The following TGFBR3 variants were observed in gnomAD, a reference collection of about 807,000 sequenced individuals.
TGFBR3 encodes the protein transforming growth factor beta receptor type 3.
A neutral mutation model predicts 87.9 loss-of-function variants in TGFBR3; 46 were observed. The ratio of observed to expected loss-of-function variants is 0.52; its 90% confidence interval spans 0.41 to 0.67. The LOEUF is 0.67. TGFBR3 is among the 30% of genes least tolerant of loss of function. TGFBR3 has a pLI of 0.00. For missense variants in TGFBR3, 866 were observed against 1,041.9 expected, an observed-to-expected ratio of 0.83 and a Z score of 2.32; for synonymous variants, 381 against 391.6, an observed-to-expected ratio of 0.97 and a Z score of 0.32.
chr1:91,867,825 C>T (rs1678442949), intron 1 of TGFBR3, among the ~76,000 whole-genome samples: 1 of 152,222 alleles, frequency 6.6e-6, no homozygotes, highest in African/African-American at 2.4e-5. Flanking sequence ...ACCACGCCCT[C>T]ATCTGTAAAA....
intron 1 of TGFBR3, among the ~76,000 whole-genome samples, chr1:91,884,837 G>C (rs1166901256): frequency 1.3e-5 from 2 of 152,262 alleles, no homozygotes; most frequent in Admixed American, 1.3e-4. Context: ...CGGTCTTGAC[G>C]TGTGTTTTTA....
chr1:91,825,962 G>A (rs1273140074), intron 2 of TGFBR3, among the ~76,000 whole-genome samples: 1 of 123,226 alleles, frequency 8.1e-6, no homozygotes, highest in Non-Finnish European at 1.7e-5. Context: ...GCCTGGGTGA[G>A]AGTGAGACCC....
At chr1:91,827,233 G>A (rs573701582) in intron 2 of TGFBR3, among the ~76,000 whole-genome samples, 3 of 152,122 alleles carry the variant, frequency 2.0e-5, no homozygotes, top group Admixed American at 1.3e-4. Flanking sequence ...CTGTAGCAAC[G>A]ATCACAACAA....
chr1:91,847,164 C>G (rs534351793), intron 2 of TGFBR3, among the ~76,000 whole-genome samples: 1 of 152,286 alleles, frequency 6.6e-6, no homozygotes, highest in Admixed American at 6.5e-5. Context: ...TTTTCAGGCA[C>G]AGAGCTTAAA....
At chr1:91,863,815 T>C (rs1458543350) in intron 1 of TGFBR3, 2 of 152,200 alleles carry the variant, frequency 1.3e-5, no homozygotes, top group Non-Finnish European at 2.9e-5. Context: ...TTGGGAGCCA[T>C]TAAACTGACT....
rs149171541 is a variant in TGFBR3 at position 91,682,731 on chromosome 1, C to T, written c.*1008G>A. The T allele has an allele frequency of 3.1e-3, 1,414 of 453,762 alleles. 5 individuals are homozygous for T. The highest frequency in any genetic ancestry group is 4.6e-3 in the Non-Finnish European group (1,046 of 226,728). The allele number at this position is 453,762 out of a possible 1,614,324, so 28.1% of individuals were successfully genotyped here. ...AGTTGACATATTTTGAGTGGAAACA[C>T]TCACCCTACCAAATATACTTAAGTT... is the stretch of plus-strand genomic sequence containing the variant. On this transcript the variant is annotated 3_prime_UTR_variant, in exon 17 of 17. Transcript: ENST00000212355.
Position 91,701,051 on chromosome 1 carries a change from ACTCT to A in TGFBR3, c.2288-2925_2288-2922del, listed in dbSNP as rs371665235. ...ATCCCCAAGCGGTTGAAAAATTATG[ACTCT>A]CTCCTAAGGAGACCTCCCATGTAAG... is the stretch of plus-strand genomic sequence containing the variant. On this transcript the variant is annotated intron_variant, in intron 14 of 16. Transcript: ENST00000212355. Among the ~76,000 whole-genome samples the A allele has an allele frequency of 3.5e-4, 53 of 152,136 alleles. No individual in the cohort carries two copies. In the South Asian group the frequency reaches 0.011, roughly 32 times the overall value.
intron 16 of TGFBR3, among the ~76,000 whole-genome samples, chr1:91,684,450 C>G (rs545075926): frequency 9.2e-5 from 14 of 152,212 alleles, no homozygotes; most frequent in African/African-American, 3.4e-4. Context: ...TTGGAAAAAC[C>G]TTTTGGGGAA....
chr1:91,838,167 T>C (rs1385021354), intron 2 of TGFBR3, among the ~76,000 whole-genome samples: 1 of 152,218 alleles, frequency 6.6e-6, no homozygotes, highest in Non-Finnish European at 1.5e-5. Flanking sequence ...CCTACTAAGA[T>C]ATCTCTTCTG....
At chr1:91,862,835 C>G (rs1323631647) in intron 1 of TGFBR3, among the ~76,000 whole-genome samples, 2 of 152,180 alleles carry the variant, frequency 1.3e-5, no homozygotes, top group Admixed American at 1.3e-4. Context: ...TTTCCGGGAG[C>G]CATCTCACAC....
chr1:91,885,553 C>G (rs577232771), intron 1 of TGFBR3, among the ~76,000 whole-genome samples: 1 of 152,336 alleles, frequency 6.6e-6, no homozygotes, highest in South Asian at 2.1e-4. Context: ...GGCCGCCGCG[C>G]CCCGCAGGGG....
chr1:91,860,897 A>T (rs1358626513), intron 2 of TGFBR3, among the ~76,000 whole-genome samples: 1 of 127,392 alleles, frequency 7.8e-6, no homozygotes, highest in South Asian at 2.6e-4. Flanking sequence ...AGGCCATTGC[A>T]CTCCAGCCTG....
At chr1:91,748,148 G>T (rs1160196353) in intron 4 of TGFBR3, among the ~76,000 whole-genome samples, 1 of 152,184 alleles carries the variant, frequency 6.6e-6, no homozygotes. Context: ...CCTCTAGCCC[G>T]AAATAACTGT....
At position 91,681,568 on chromosome 1, in the gene TGFBR3, C is replaced by A; in HGVS notation, c.*2171G>T. On this transcript the variant is annotated 3_prime_UTR_variant, in exon 17 of 17. Transcript: ENST00000212355. ...CTAAGACATCAATCTTTTAATATCT[C>A]CTAATAGCTAATTTTCTTTTTAACA... 2.5e-6 allele frequency: 1 copy of A among 396,372 alleles called. No individual in the cohort carries two copies. Among genetic ancestry groups the A allele is most frequent in the Non-Finnish European group, 4.8e-6 (1 of 207,556 alleles). 24.6% of individuals were successfully genotyped at this position (396,372 alleles called of 1,614,324 possible).
chr1:91,725,009 A>C (rs1359638537), intron 7 of TGFBR3, among the ~76,000 whole-genome samples: 1 of 152,144 alleles, frequency 6.6e-6, no homozygotes, highest in East Asian at 1.9e-4. Context: ...ATAATATAAG[A>C]GGAAACCTCT....
intron 4 of TGFBR3, among the ~76,000 whole-genome samples, chr1:91,755,438 G>A (rs939799614): frequency 3.3e-5 from 5 of 152,136 alleles, no homozygotes; most frequent in African/African-American, 1.2e-4. Flanking sequence ...GAAGAAATGT[G>A]CAGACGGGAA....
intron 3 of TGFBR3, among the ~76,000 whole-genome samples, chr1:91,791,410 G>A (rs1675188432): frequency 6.6e-6 from 1 of 152,126 alleles, no homozygotes; most frequent in Non-Finnish European, 1.5e-5. Context: ...CTGACATGTG[G>A]TGTGATAATC....
At chr1:91,845,302 G>T (rs927120942) in intron 2 of TGFBR3, among the ~76,000 whole-genome samples, 1 of 152,164 alleles carries the variant, frequency 6.6e-6, no homozygotes, top group Non-Finnish European at 1.5e-5. Context: ...AAGCCCAAAA[G>T]GACAAGAAAA....
At chr1:91,717,656 C>A in intron 10 of TGFBR3, among the ~76,000 whole-genome samples, 1 of 147,058 alleles carries the variant, frequency 6.8e-6, no homozygotes, top group Non-Finnish European at 1.5e-5. Context: ...ACAGCTAAAA[C>A]AGTCTCCAAA....
Sources: gnomAD v4.1 joint callset for allele counts (sites outside exome capture counted in the v4.1 genomes callset) on GRCh38, gnomAD v4.1.1 for gene constraint, MANE v1.5 for transcripts, NCBI Gene and HGNC (gene_info 2026-07-23, HGNC 2026-07-21) for gene names.